Variants in CNBD1 observed in about 807,000 individuals in gnomAD.
CNBD1 encodes cyclic nucleotide binding domain containing 1.
A neutral mutation model predicts 54.4 loss-of-function variants in CNBD1; 71 were observed. That is an observed-to-expected ratio of 1.30 (90% CI 1.08 to 1.59). The LOEUF (loss-of-function observed/expected upper bound fraction) is 1.59, where lower values mean the gene tolerates loss of function less well. Ranked by LOEUF, CNBD1 falls within the 40% of genes most tolerant of loss-of-function variation. CNBD1 has a pLI of 0.00. For synonymous variants in CNBD1, 182 were observed against 170.7 expected (o/e 1.07, Z -0.51); for missense variants, 659 against 518.0 (o/e 1.27, Z -2.64).
chr8:86,898,564 T>C (rs987602316), intron 2 of CNBD1, among the ~76,000 whole-genome samples: 2 of 152,072 alleles, frequency 1.3e-5, no homozygotes. Flanking sequence ...GCCAATTGAA[T>C]GGAGAAAGTT....
At chr8:86,879,349 T>C (rs1043510180) in intron 1 of CNBD1, among the ~76,000 whole-genome samples, 1 of 152,240 alleles carries the variant, frequency 6.6e-6, no homozygotes, top group Non-Finnish European at 1.5e-5. Flanking sequence ...TAAAGAAAGA[T>C]ATTATTTGCT....
intron 4 of CNBD1, among the ~76,000 whole-genome samples, chr8:87,023,757 T>C (rs1423095360): frequency 6.6e-6 from 1 of 152,236 alleles, no homozygotes; most frequent in Admixed American, 6.5e-5. Flanking sequence ...TGTGGCTGGA[T>C]GTCTTGGCTT....
chr8:87,377,423 A>G (rs533951327), intron 10 of CNBD1, among the ~76,000 whole-genome samples: 3 of 150,954 alleles, frequency 2.0e-5, no homozygotes, highest in South Asian at 4.2e-4. Context: ...TGTTCTTGCG[A>G]TAGTTTATTG....
intron 2 of CNBD1, among the ~76,000 whole-genome samples, chr8:87,409,875 T>C (rs973605073): frequency 2.0e-5 from 3 of 151,874 alleles, no homozygotes; most frequent in African/African-American, 7.3e-5. Context: ...TAGAAAAAAT[T>C]AGCCTGGTGT....
At chr8:86,935,501 G>A (rs988208196) in intron 3 of CNBD1, among the ~76,000 whole-genome samples, 1 of 152,004 alleles carries the variant, frequency 6.6e-6, no homozygotes, top group East Asian at 1.9e-4. Flanking sequence ...GTAAGTATTT[G>A]TTCATCTAAA....
At chr8:86,955,540 T>C (rs1032846329) in intron 4 of CNBD1, among the ~76,000 whole-genome samples, 5 of 152,220 alleles carry the variant, frequency 3.3e-5, no homozygotes, top group Admixed American at 3.3e-4. Context: ...TGATGTGAGA[T>C]GGTATCTCAT....
At chr8:87,264,307 G>T (rs367987412) in intron 6 of CNBD1, among the ~76,000 whole-genome samples, 1 of 152,080 alleles carries the variant, frequency 6.6e-6, no homozygotes, top group South Asian at 2.1e-4. Flanking sequence ...CTTCATCCAT[G>T]TCCCTACAAA....
At chr8:87,026,280 T>C (rs1368089898) in intron 4 of CNBD1, among the ~76,000 whole-genome samples, 1 of 151,822 alleles carries the variant, frequency 6.6e-6, no homozygotes, top group South Asian at 2.1e-4. Flanking sequence ...GTTTTTCTTT[T>C]CTTTTCTCTC....
intron 2 of CNBD1, among the ~76,000 whole-genome samples, chr8:87,412,743 T>C (rs1432625823): frequency 2.0e-5 from 3 of 152,064 alleles, no homozygotes; most frequent in African/African-American, 7.2e-5. Flanking sequence ...TGACATGTAC[T>C]TTTCCGAAGA....
chr8:87,087,123 A>T (rs1811109726), intron 4 of CNBD1, among the ~76,000 whole-genome samples: 1 of 150,506 alleles, frequency 6.6e-6, no homozygotes, highest in African/African-American at 2.4e-5. Flanking sequence ...AGTTAATTCA[A>T]CTTCCTGAGA....
chr8:87,260,593 A>T (rs571338429), intron 6 of CNBD1, among the ~76,000 whole-genome samples: 12 of 152,242 alleles, frequency 7.9e-5, no homozygotes, highest in African/African-American at 2.6e-4. Flanking sequence ...AGGGAGAGAA[A>T]AGCCAGAAAT....
intron 4 of CNBD1, among the ~76,000 whole-genome samples, chr8:87,084,590 A>AT (rs1308059766): frequency 2.0e-5 from 3 of 150,840 alleles, no homozygotes; most frequent in African/African-American, 2.4e-5. Flanking sequence ...GAAATGGGTC[A>AT]TTTTTTTCTG....
intron 4 of CNBD1, among the ~76,000 whole-genome samples, chr8:86,988,550 T>C (rs775602878): frequency 6.6e-6 from 1 of 152,130 alleles, no homozygotes; most frequent in Non-Finnish European, 1.5e-5. Flanking sequence ...AATTATACTG[T>C]TTTAATTATT....
chr8:87,273,871 A>C (rs892008168), intron 6 of CNBD1, among the ~76,000 whole-genome samples: 1 of 151,488 alleles, frequency 6.6e-6, no homozygotes, highest in African/African-American at 2.4e-5. Context: ...TGCTGCACCC[A>C]CTAACTCGTC....
intron 4 of CNBD1, among the ~76,000 whole-genome samples, chr8:87,107,283 G>C (rs1466241828): frequency 6.6e-6 from 1 of 152,160 alleles, no homozygotes; most frequent in Non-Finnish European, 1.5e-5. Flanking sequence ...TGTCTCTGCT[G>C]CCACCTCTCC....
intron 6 of CNBD1, among the ~76,000 whole-genome samples, chr8:87,242,237 C>G (rs899552277): frequency 6.6e-6 from 1 of 152,154 alleles, no homozygotes; most frequent in Admixed American, 6.5e-5. Context: ...CCCTGAAAAG[C>G]TGTCTCTTGT....
intron 4 of CNBD1, among the ~76,000 whole-genome samples, chr8:87,048,744 T>C (rs991022336): frequency 5.3e-5 from 8 of 152,224 alleles, no homozygotes; most frequent in African/African-American, 1.4e-4. Context: ...TTTTGGCACA[T>C]GGGTGAAGTC....
chr8:86,966,949 A>C (rs1808093056), intron 4 of CNBD1, among the ~76,000 whole-genome samples: 3 of 152,076 alleles, frequency 2.0e-5, no homozygotes, highest in Admixed American at 1.3e-4. Context: ...TGATCAGTCC[A>C]TTTTACAGAG....
At chr8:87,109,936 AT>A (rs1461094920) in intron 4 of CNBD1, among the ~76,000 whole-genome samples, 5 of 152,200 alleles carry the variant, frequency 3.3e-5, no homozygotes, top group African/African-American at 9.7e-5. Flanking sequence ...CAATTTGTTT[AT>A]AGTTTGCCTC....
Sources: allele counts gnomAD v4.1 joint callset (sites outside exome capture counted in the v4.1 genomes callset), GRCh38; gene constraint gnomAD v4.1.1; transcripts MANE v1.5; gene names NCBI Gene and HGNC (gene_info 2026-07-23, HGNC 2026-07-21).